Variants in CPLANE1 observed in about 807,000 individuals in gnomAD.
The protein encoded by CPLANE1 is ciliogenesis and planar polarity effector complex subunit 1, also known as ciliogenesis and planar polarity effector 1.
In CPLANE1, 263 loss-of-function variants were observed where a neutral mutation model predicts 362.5. The ratio of observed to expected loss-of-function variants is 0.73; its 90% CI spans 0.66 to 0.80. CPLANE1 has a LOEUF of 0.80. Ranked by LOEUF, CPLANE1 falls within the 30% of genes least tolerant of loss-of-function variation. The pLI, the probability that CPLANE1 is intolerant of heterozygous loss-of-function variation, is 0.00. For synonymous variants in CPLANE1, 1,212 were observed against 1,302.6 expected (o/e 0.93, Z 1.50); for missense variants, 3,461 against 3,793.4 (o/e 0.91, Z 2.30).
At chr5:37,208,167 C>G (rs1186404970) in intron 16 of CPLANE1, among the ~76,000 whole-genome samples, 3 of 152,212 alleles carry the variant, frequency 2.0e-5, no homozygotes, top group African/African-American at 4.8e-5. Flanking sequence ...CCAGGCTGAT[C>G]TCAAACTCCT....
intron 32 of CPLANE1, among the ~76,000 whole-genome samples, chr5:37,171,929 G>C (rs1163835889): frequency 6.6e-6 from 1 of 151,998 alleles, no homozygotes; most frequent in African/African-American, 2.4e-5. Flanking sequence ...TGAGACTATA[G>C]GCATGTGCTA....
At chr5:37,214,953 G>T (rs770494766) in intron 15 of CPLANE1, among the ~76,000 whole-genome samples, 7 of 152,234 alleles carry the variant, frequency 4.6e-5, no homozygotes, top group Non-Finnish European at 1.0e-4. Flanking sequence ...AGCTATGGTT[G>T]TCTACCATTT....
At chr5:37,085,187 C>A in the CPLANE1 span, 1 of 821,400 alleles carries the variant, frequency 1.2e-6, no homozygotes, top group Non-Finnish European at 2.2e-6. Flanking sequence ...GTCTCCCCCT[C>A]ATCATTTTCC....
chr5:37,085,814 A>G, the CPLANE1 span: 3 of 1,413,886 alleles, frequency 2.1e-6, no homozygotes, highest in Non-Finnish European at 3.0e-6. Flanking sequence ...TGCTGAAGAG[A>G]GAGACAAAAG....
intron 44 of CPLANE1, chr5:37,140,573 GAC>G: frequency 1.0e-6 from 1 of 985,400 alleles, no homozygotes; most frequent in Non-Finnish European, 1.2e-6. Context: ...CCATTAAAGA[GAC>G]ACTTTCTATC....
At chr5:37,240,587 T>C (rs527276886) in intron 6 of CPLANE1, among the ~76,000 whole-genome samples, 40 of 152,094 alleles carry the variant, frequency 2.6e-4, no homozygotes, top group Non-Finnish European at 3.8e-4. Flanking sequence ...CAAGAACTCA[T>C]TACTGTAAGC....
chr5:37,143,791 C>T (rs548417664), intron 43 of CPLANE1, among the ~76,000 whole-genome samples: 1 of 152,014 alleles, frequency 6.6e-6, no homozygotes, highest in Non-Finnish European at 1.5e-5. Context: ...AAAAATTTGC[C>T]AGTGGTGGTG....
intron 44 of CPLANE1, chr5:37,141,035 C>A: frequency 1.0e-6 from 1 of 985,364 alleles, no homozygotes; most frequent in Non-Finnish European, 1.2e-6. Context: ...CCACGTTCCC[C>A]CTCTCCTCCT....
intron 50 of CPLANE1, among the ~76,000 whole-genome samples, chr5:37,115,786 C>A (rs574695941): frequency 1.9e-4 from 28 of 150,934 alleles, no homozygotes; most frequent in Non-Finnish European, 4.0e-4. Context: ...TTAGTAGAGA[C>A]GGGGTTTCAC....
rs777338237 is a variant in CPLANE1, at chr5:37,238,857, C to G, written c.938G>C (p.Arg313Thr). 1 of 1,462,520 alleles carries G rather than the reference C, an allele frequency of 6.8e-7. No individual in the cohort carries two copies. Among genetic ancestry groups the G allele is most frequent in the Non-Finnish European group, 9.1e-7 (1 of 1,096,056 alleles). The allele number at this position is 1,462,520 out of a possible 1,614,324, so 90.6% of individuals were successfully genotyped here. A position where few individuals can be genotyped will look rare whatever the true frequency, so the allele number is the denominator to read the frequency against. The change falls in exon 8 of 53, where the codon AGG becomes ACG. Residue 313 changes from arginine to threonine, a missense_variant and splice_region_variant. By Grantham distance (71) the Arg-to-Thr change is moderately conservative. Coordinates refer to ENST00000651892, the MANE Select transcript of CPLANE1 (RefSeq NM_001384732.1). ...AAAAGACAGACAAAAGAGTTCTTAC[C>G]TAATAAGTGTAGCTGGAACCACGGG... ...KSPVVPATLI[R>T]SYWVGDISWT...
chr5:37,247,800 T>TTC, intron 1 of CPLANE1, 55 bp from the exon 2 acceptor site: 1 of 627,564 alleles, frequency 1.6e-6, no homozygotes, highest in Non-Finnish European at 2.0e-6. Flanking sequence ...CACTGGGCAT[T>TTC]TTTTTTTTTT....
Position 37,187,269 on chromosome 5 carries a change from A to G in CPLANE1, c.4080+145T>C, listed in dbSNP as rs1311679695. 6.5e-6 allele frequency: 4 copies of G among 614,188 alleles called. No individual in the cohort carries two copies. In the African/African-American group the frequency reaches 7.5e-5, roughly 12 times the overall value. 38.0% of individuals were successfully genotyped at this position (614,188 alleles called of 1,614,324 possible). A position where few individuals can be genotyped will look rare whatever the true frequency, so the allele number is the denominator to read the frequency against. ...ATTCCACACACAAGTGAGGTCCTAC[A>G]GTATTTACCTTTTTGAACCCACAAG... On this transcript the variant is annotated intron_variant, in intron 23 of 52. Coordinates refer to ENST00000651892, the MANE Select transcript of CPLANE1 (RefSeq NM_001384732.1).
At chr5:37,187,033 C>A (rs554018817) in intron 23 of CPLANE1, among the ~76,000 whole-genome samples, 52 of 133,834 alleles carry the variant, frequency 3.9e-4, no homozygotes, top group African/African-American at 1.7e-3. Context: ...TGCACTCTAG[C>A]CTGGGTGACA....
At chr5:37,075,701 G>A in the CPLANE1 span, among the ~76,000 whole-genome samples, 34 of 152,114 alleles carry the variant, frequency 2.2e-4, 1 homozygote, top group Admixed American at 2.2e-3. Context: ...ATTGTCAGTA[G>A]AGCCAGAATA....
At chr5:37,216,052 G>T (rs183623205) in intron 15 of CPLANE1, among the ~76,000 whole-genome samples, 1 of 152,046 alleles carries the variant, frequency 6.6e-6, no homozygotes, top group East Asian at 1.9e-4. Flanking sequence ...GGACAGGCTG[G>T]TCTTGAACTC....
At chr5:37,154,528 TG>T (rs1774512616) in intron 41 of CPLANE1, among the ~76,000 whole-genome samples, 2 of 146,784 alleles carry the variant, frequency 1.4e-5, no homozygotes, top group African/African-American at 2.6e-5. Context: ...TCTGAACTCC[TG>T]GGCTCAAGCA....
chr5:37,169,571 A>G lies in CPLANE1; in HGVS notation c.6463-10T>C. 1 of 1,565,278 alleles carries G rather than the reference A, an allele frequency of 6.4e-7. No homozygotes were observed. Among genetic ancestry groups the G allele is most frequent in the Non-Finnish European group, 8.6e-7 (1 of 1,158,522 alleles). ...TCCCATGTGGAACATTCTGGAAGAG[A>G]AAAAAGATATTATGTAAGTTTAGAA... On this transcript the variant is annotated splice_polypyrimidine_tract_variant and intron_variant, in intron 33 of 52. Transcript: ENST00000651892.
intron 51 of CPLANE1, 27 bp downstream of exon 51, chr5:37,114,932 TA>T: frequency 7.2e-7 from 1 of 1,387,878 alleles, no homozygotes; most frequent in Non-Finnish European, 1.0e-6. Flanking sequence ...GTATTAAGTC[TA>T]AAAACTTTAT....
intron 39 of CPLANE1, 153 bp from the exon 40 acceptor site, chr5:37,158,021 A>T (rs10512664): frequency 2.6e-6 from 2 of 771,016 alleles, no homozygotes; most frequent in Non-Finnish European, 4.0e-6. Context: ...CTAACTTAGG[A>T]AAAGGAGCAG....
Sources: gnomAD v4.1 joint callset for allele counts (sites outside exome capture counted in the v4.1 genomes callset) on GRCh38, gnomAD v4.1.1 for gene constraint, MANE v1.5 for transcripts, NCBI Gene and HGNC (gene_info 2026-07-23, HGNC 2026-07-21) for gene names.